The following SLFN12 variants were observed in gnomAD, a reference collection of about 807,000 sequenced individuals.
The protein encoded by SLFN12 is schlafen family member 12, also known as ribonuclease SLFN12.
SLFN12 carries 25 observed loss-of-function variants against 29.1 expected under a neutral mutation model. That is an observed-to-expected ratio of 0.86 (90% CI 0.63 to 1.20). SLFN12 has a LOEUF of 1.20. SLFN12 is among the 50% of genes most tolerant of loss of function. SLFN12 has a pLI of 0.00. For missense variants in SLFN12, 660 were observed against 666.2 expected (o/e 0.99, Z 0.10); for synonymous variants, 257 against 238.7 (o/e 1.08, Z -0.71).
At chr17:35,421,904 T>A in intron 2 of SLFN12, 86 bp downstream of exon 2, 2 of 1,498,072 alleles carry the variant, frequency 1.3e-6, no homozygotes, top group East Asian at 2.3e-5. Context: ...ATTTGAGGAC[T>A]ATTGATCTTG....
intron 1 of SLFN12, 138 bp from the exon 2 acceptor site, chr17:35,423,206 G>T (rs1413807579): frequency 8.6e-6 from 8 of 931,050 alleles, no homozygotes; most frequent in Non-Finnish European, 1.2e-5. Flanking sequence ...GAAGAGACTG[G>T]CAAATTTTGA....
intron 3 of SLFN12, 70 bp from the exon 4 acceptor site, chr17:35,411,997 G>A (rs1911058841): frequency 1.6e-6 from 2 of 1,232,394 alleles, no homozygotes; most frequent in Non-Finnish European, 1.1e-6. Context: ...TGGCAAAGTA[G>A]CTTGTAAAAA....
intron 3 of SLFN12, 48 bp downstream of exon 3, chr17:35,420,226 T>C: frequency 7.5e-7 from 1 of 1,333,914 alleles, no homozygotes. Flanking sequence ...AGAAAGAGGT[T>C]TGACTACAGT....
At chr17:35,418,862 T>A (rs1911466790) in intron 3 of SLFN12, among the ~76,000 whole-genome samples, 1 of 152,038 alleles carries the variant, frequency 6.6e-6, no homozygotes, top group Non-Finnish European at 1.5e-5. Flanking sequence ...ATTTATTTGT[T>A]TGTTTGTTTG....
At chr17:35,431,430 C>T (rs1314734302) in intron 1 of SLFN12, among the ~76,000 whole-genome samples, 1 of 152,086 alleles carries the variant, frequency 6.6e-6, no homozygotes, top group Non-Finnish European at 1.5e-5. Flanking sequence ...ACAGCAAACT[C>T]CAGATTCCAA....
At chr17:35,416,210 G>C (rs1330819490) in intron 3 of SLFN12, among the ~76,000 whole-genome samples, 2 of 152,118 alleles carry the variant, frequency 1.3e-5, no homozygotes, top group Non-Finnish European at 2.9e-5. Flanking sequence ...ACAGCAACCT[G>C]AATGGGGTGG....
chr17:35,411,762 T>C lies in SLFN12; in HGVS notation c.1313A>G (p.His438Arg), dbSNP rs1284166434. ...CAGAAGAGCATCACAGAGGACTTTG[T>C]GGTTCTCTTGCAAGCCCAGATCCAC... Reference protein sequence around the residue: ...WSVDLGLQENHKVLCDALLIS... With the variant: ...WSVDLGLQENRKVLCDALLIS... The change falls in exon 4 of 4, where the codon CAC becomes CGC. Residue 438 changes from histidine to arginine, a missense_variant. Physicochemically the swap from His to Arg is conservative, Grantham distance 29 (BLOSUM62 0). Transcript: ENST00000304905. 1 of 1,613,964 alleles carries C rather than the reference T, an allele frequency of 6.2e-7. No individual in the cohort carries two copies. Among genetic ancestry groups the C allele is most frequent in the Non-Finnish European group, 8.5e-7 (1 of 1,180,010 alleles).
chr17:35,416,341 G>T (rs1911308528), intron 3 of SLFN12, among the ~76,000 whole-genome samples: 1 of 152,016 alleles, frequency 6.6e-6, no homozygotes, highest in African/African-American at 2.4e-5. Context: ...AGGACTTTGG[G>T]GACTCAAGGG....
In SLFN12 at chr17:35,411,710, T is replaced by C. The variant is rs1433018540; in HGVS notation, c.1365A>G (p.Leu455=). ...LLISQDSPPV[L]YTFHMVQDEE... is the part of the protein sequence containing the mutation. ...CATCCTGTACCATGTGGAAGGTGTA[T>C]AGGACTGGAGGACTGTCCTGGGAAA... Residue 455 remains leucine (L), a synonymous_variant, in exon 4 of 4, where the codon CTA becomes CTG. Coordinates refer to ENST00000304905, the MANE Select transcript of SLFN12 (RefSeq NM_018042.5). 1.2e-6 allele frequency: 2 copies of C among 1,613,902 alleles called. No homozygotes were observed. Among genetic ancestry groups the C allele is most frequent in the Admixed American group, 1.7e-5 (1 of 59,982 alleles).
Position 35,422,942 on chromosome 17 carries a change from T to G in SLFN12, c.87A>C (p.Lys29Asn). ...TTCTCAGTTTACAATCCTTCATTTTTTTCCTACTGTTCTCTCCAAGAGTGA... is the reference window on the plus strand; with the variant it reads ...TTCTCAGTTTACAATCCTTCATTTTGTTCCTACTGTTCTCTCCAAGAGTGA... ...GRVTLGENSR[K>N]KMKDCKLRKK... Residue 29 changes from lysine (K) to asparagine (N), a missense_variant, in exon 2 of 4, where the codon AAA becomes AAC. By Grantham distance (94) the Lys-to-Asn change is moderately conservative. Coordinates refer to ENST00000304905, the MANE Select transcript of SLFN12 (RefSeq NM_018042.5). 1 of 1,613,968 alleles carries G rather than the reference T, an allele frequency of 6.2e-7. No homozygotes were observed. Among genetic ancestry groups the G allele is most frequent in the Non-Finnish European group, 8.5e-7 (1 of 1,180,000 alleles).
At chr17:35,428,821 G>A (rs995522449) in intron 1 of SLFN12, among the ~76,000 whole-genome samples, 7 of 152,090 alleles carry the variant, frequency 4.6e-5, no homozygotes, top group African/African-American at 1.4e-4. Flanking sequence ...CTGCCATGCT[G>A]AGCTTTCTCC....
intron 3 of SLFN12, among the ~76,000 whole-genome samples, chr17:35,415,749 C>T (rs1167929014): frequency 6.6e-6 from 1 of 151,986 alleles, no homozygotes; most frequent in African/African-American, 2.4e-5. Context: ...GGCCAATGAA[C>T]ATGAAAATAT....
chr17:35,430,705 G>A (rs1912264412), intron 1 of SLFN12: 2 of 151,964 alleles, frequency 1.3e-5, no homozygotes, highest in African/African-American at 4.8e-5. Flanking sequence ...CCTTGCCCAG[G>A]GTTCCCATAA....
At position 35,411,822 on chromosome 17, in the gene SLFN12, C is replaced by T. The variant is rs925152449; in HGVS notation, c.1253G>A (p.Arg418Lys). 1.9e-6 allele frequency: 3 copies of T among 1,614,064 alleles called. No homozygotes were observed. The highest frequency in any genetic ancestry group is 2.2e-5 in the South Asian group (2 of 91,088). The change falls in exon 4 of 4, where the codon AGA becomes AAA. Residue 418 changes from arginine (R) to lysine (K), a missense_variant. By Grantham distance (26) the Arg-to-Lys change is conservative (BLOSUM62 2). Transcript: ENST00000304905. ...CCTAGAGAAGATCAGTGAGCCCTTT[C>T]TGACAGAGTCCATTTCTTCACATAT... ...QLICEEMDSV[R>K]KGSLIFSRSW...
At chr17:35,416,791 AG>A (rs943086641) in intron 3 of SLFN12, among the ~76,000 whole-genome samples, 1 of 152,116 alleles carries the variant, frequency 6.6e-6, no homozygotes, top group African/African-American at 2.4e-5. Context: ...CAGTGGCTCA[AG>A]CCTGTAATCC....
Position 35,426,830 on chromosome 17 carries a change from G to A in SLFN12, c.-40-3762C>T, listed in dbSNP as rs181268838. Among the ~76,000 whole-genome samples the A allele has an allele frequency of 1.9e-3, 290 of 152,224 alleles. 5 individuals are homozygous for A. The highest frequency in any genetic ancestry group is 3.3e-3 in the Non-Finnish European group (224 of 68,006). On this transcript the variant is annotated intron_variant, in intron 1 of 3. Transcript: ENST00000304905. ...AGCATTTATCCTGCCTGGATTGAGC[G>A]GGGCTTTCTTGATTCCTCTACATAC...
intron 2 of SLFN12, among the ~76,000 whole-genome samples, chr17:35,421,600 C>T (rs572360567): frequency 2.4e-4 from 31 of 131,846 alleles, no homozygotes; most frequent in South Asian, 1.2e-3. Flanking sequence ...AGTGCAGTGG[C>T]GCAATCTCCG....
rs185599318 is a variant in SLFN12, at chr17:35,422,109, A to T, written c.920T>A (p.Val307Glu). ...AAACACTGCACAGCAGAAGCGCTCC[A>T]CTCTGAGTGCACAGACATATCCACA... is the stretch of plus-strand genomic sequence containing the variant. Reference protein sequence around the residue: ...SLCGYVCALRVERFCCAVFAK... With the variant: ...SLCGYVCALREERFCCAVFAK... Residue 307 changes from valine (V) to glutamate (E), a missense_variant, in exon 2 of 4, where the codon GTG (valine) becomes GAG (glutamate). Physicochemically the swap from Val to Glu is moderately radical, Grantham distance 121 (BLOSUM62 -2). Coordinates refer to ENST00000304905, the MANE Select transcript of SLFN12 (RefSeq NM_018042.5). 1.2e-6 allele frequency: 2 copies of T among 1,614,034 alleles called. No individual in the cohort carries two copies. Among genetic ancestry groups the T allele is most frequent in the African/African-American group, 2.7e-5 (2 of 75,034 alleles).
In SLFN12 at chr17:35,411,703, A is replaced by G. The variant is rs774350736; in HGVS notation, c.1372T>C (p.Phe458Leu). 8 of 1,614,016 alleles carry G rather than the reference A, an allele frequency of 5.0e-6. 1 individual carries two copies. Among genetic ancestry groups the G allele is most frequent in the Non-Finnish European group, 6.8e-6 (8 of 1,179,976 alleles). The change falls in exon 4 of 4, where the codon TTC (phenylalanine) becomes CTC (leucine). Residue 458 changes from phenylalanine (F) to leucine (L), a missense_variant. Phe to Leu is a conservative substitution (Grantham distance 22). Transcript: ENST00000304905. ...AACTCCTCATCCTGTACCATGTGGA[A>G]GGTGTATAGGACTGGAGGACTGTCC... ...SQDSPPVLYT[F>L]HMVQDEEFKG...
Sources: gnomAD v4.1 joint callset for allele counts (sites outside exome capture counted in the v4.1 genomes callset) on GRCh38, gnomAD v4.1.1 for gene constraint, MANE v1.5 for transcripts, NCBI Gene and HGNC (gene_info 2026-07-23, HGNC 2026-07-21) for gene names.